MAPRE1: variants seen among roughly 807,000 people sequenced by gnomAD.
The protein encoded by MAPRE1 is microtubule associated protein RP/EB family member 1.
A neutral mutation model predicts 32.1 loss-of-function variants in MAPRE1; 5 were observed. That is an observed-to-expected ratio of 0.16 (90% CI 0.08 to 0.33). MAPRE1 has a LOEUF of 0.33. Among genes scored for constraint, MAPRE1 ranks in the 10% least tolerant of loss-of-function variants. The pLI, the probability that MAPRE1 is intolerant of heterozygous loss-of-function variation, is 1.00. For missense variants in MAPRE1, 209 were observed against 327.2 expected (o/e 0.64, Z 2.79); for synonymous variants, 122 against 118.9 (o/e 1.03, Z -0.17).
chr20:32,848,188 A>G (rs965357910), intron 6 of MAPRE1, among the ~76,000 whole-genome samples: 2 of 151,284 alleles, frequency 1.3e-5, no homozygotes, highest in Non-Finnish European at 2.9e-5. Context: ...CTGGGACTAC[A>G]GGCATGTCCC....
At position 32,829,308 on chromosome 20, in the gene MAPRE1, TAAAC is replaced by T. The variant is rs1276697273; in HGVS notation, c.121+3265_121+3268del. Among the ~76,000 whole-genome samples, 4 of 152,332 alleles carry T rather than the reference TAAAC, an allele frequency of 2.6e-5. No homozygotes were observed. In the East Asian group the frequency reaches 7.7e-4, roughly 29 times the overall value. On this transcript the variant is annotated intron_variant, in intron 2 of 6. Coordinates refer to ENST00000375571, the MANE Select transcript of MAPRE1 (RefSeq NM_012325.3). ...GTGCAGGACACTTAACTGTGATTTG[TAAAC>T]AAACTTGTTCATTCATAACTAGTCT... is the stretch of plus-strand genomic sequence containing the variant.
intron 5 of MAPRE1, among the ~76,000 whole-genome samples, chr20:32,842,149 G>A (rs1983382561): frequency 2.6e-5 from 4 of 151,900 alleles, no homozygotes. Context: ...GCAGTGGCGC[G>A]ATCTTTGCTC....
chr20:32,847,158 A>G (rs1477224305), intron 6 of MAPRE1, among the ~76,000 whole-genome samples: 1 of 152,172 alleles, frequency 6.6e-6, no homozygotes, highest in Non-Finnish European at 1.5e-5. Flanking sequence ...AAGCAGGCAC[A>G]TGCTCCCTTT....
At chr20:32,835,542 C>T (rs540080362) in intron 3 of MAPRE1, among the ~76,000 whole-genome samples, 3 of 152,000 alleles carry the variant, frequency 2.0e-5, no homozygotes, top group African/African-American at 7.2e-5. Context: ...AAAATTTATC[C>T]TGAGACTGAT....
intron 6 of MAPRE1, among the ~76,000 whole-genome samples, chr20:32,848,137 C>T (rs1261406218): frequency 6.6e-6 from 1 of 151,748 alleles, no homozygotes; most frequent in Non-Finnish European, 1.5e-5. Flanking sequence ...GCTTTGACCT[C>T]CTGGGTCAAG....
intron 2 of MAPRE1, among the ~76,000 whole-genome samples, chr20:32,830,776 G>A (rs1352140078): frequency 1.4e-5 from 2 of 143,648 alleles, no homozygotes; most frequent in Non-Finnish European, 3.0e-5. Context: ...TCGCTCTGTT[G>A]CCCAGGCTGG....
chr20:32,847,600 A>G (rs1024739994), intron 6 of MAPRE1, among the ~76,000 whole-genome samples: 11 of 152,220 alleles, frequency 7.2e-5, no homozygotes, highest in Non-Finnish European at 1.3e-4. Flanking sequence ...TTTAATTTAG[A>G]GCTTGCTCTG....
At chr20:32,839,075 C>G (rs1299773345) in intron 4 of MAPRE1, among the ~76,000 whole-genome samples, 2 of 152,132 alleles carry the variant, frequency 1.3e-5, no homozygotes, top group African/African-American at 4.8e-5. Context: ...TGATGCTTTT[C>G]TCTCCTCACT....
At position 32,836,754 on chromosome 20, in the gene MAPRE1, A is replaced by G. The variant is rs1290393107; in HGVS notation, c.388A>G (p.Arg130Gly). ...AAAAGACTATGACCCTGTGGCTGCCAGACAAGGTCAAGAAACTGCAGTGGC... is the reference window on the plus strand; with the variant it reads ...AAAAGACTATGACCCTGTGGCTGCCGGACAAGGTCAAGAAACTGCAGTGGC... The part of the protein sequence containing the change: ...DGKDYDPVAA[R>G]QGQETAVAPS... Residue 130 changes from arginine (R) to glycine (G), a missense_variant, in exon 4 of 7, where the codon AGA becomes GGA. This residue lies in a region of MAPRE1 where 106 missense variants were observed against 115.3 expected (regional missense o/e 0.92). Coordinates refer to ENST00000375571, the MANE Select transcript of MAPRE1 (RefSeq NM_012325.3). 3.7e-6 allele frequency: 6 copies of G among 1,614,054 alleles called. No homozygotes were observed. In the Admixed American group the frequency reaches 6.7e-5, roughly 18 times the overall value.
At chr20:32,820,303 T>TAA (rs1445009018) in intron 1 of MAPRE1, among the ~76,000 whole-genome samples, 1 of 151,712 alleles carries the variant, frequency 6.6e-6, no homozygotes, top group Admixed American at 6.6e-5. Flanking sequence ...TGAGGTGTGG[T>TAA]CCCTGCGCTG....
chr20:32,840,131 AG>A (rs1983320310), intron 5 of MAPRE1, among the ~76,000 whole-genome samples: 1 of 152,222 alleles, frequency 6.6e-6, no homozygotes, highest in Non-Finnish European at 1.5e-5. Flanking sequence ...GAATGCTGCC[AG>A]GGACCTGGGA....
intron 2 of MAPRE1, among the ~76,000 whole-genome samples, chr20:32,829,751 T>C (rs1446426805): frequency 6.6e-6 from 1 of 152,204 alleles, no homozygotes; most frequent in Non-Finnish European, 1.5e-5. Flanking sequence ...AGCAGTGGGC[T>C]CTCCTACCCC....
rs1239149467 is a variant in MAPRE1, at chr20:32,842,148, C to T, written c.597+2292C>T. ...TCGCCCAGGCTGGAGTGCAGTGGCG[C>T]GATCTTTGCTCACTGCAAGCTCCGC... is the stretch of plus-strand genomic sequence containing the variant. On this transcript the variant is annotated intron_variant, in intron 5 of 6. Coordinates refer to ENST00000375571, the MANE Select transcript of MAPRE1 (RefSeq NM_012325.3). Among the ~76,000 whole-genome samples the T allele has an allele frequency of 2.6e-5, 4 of 151,976 alleles. No homozygotes were observed. In the South Asian group the frequency reaches 6.2e-4, roughly 24 times the overall value.
intron 2 of MAPRE1, among the ~76,000 whole-genome samples, chr20:32,828,938 TG>T (rs947041234): frequency 6.6e-6 from 1 of 151,696 alleles, no homozygotes; most frequent in African/African-American, 2.4e-5. Flanking sequence ...GTTTGTCAGT[TG>T]TTTTTTTTTT....
At chr20:32,836,582 A>G in intron 3 of MAPRE1, 52 bp from the exon 4 acceptor site, 1 of 1,069,472 alleles carries the variant, frequency 9.4e-7, no homozygotes, top group Non-Finnish European at 1.4e-6. Flanking sequence ...GACTAGTTTG[A>G]TGCTTGCCAA....
chr20:32,848,546 C>G, intron 6 of MAPRE1, 126 bp from the exon 7 acceptor site: 1 of 536,128 alleles, frequency 1.9e-6, no homozygotes, highest in Non-Finnish European at 3.3e-6. Context: ...AATAAAATAG[C>G]AGTCACCTGG....
intron 1 of MAPRE1, among the ~76,000 whole-genome samples, chr20:32,821,689 T>C (rs1055723938): frequency 6.6e-6 from 1 of 152,234 alleles, no homozygotes; most frequent in South Asian, 2.1e-4. Flanking sequence ...CACGGTCACA[T>C]AGGTCCTTTC....
chr20:32,840,051 C>T (rs1257816103), intron 5 of MAPRE1, among the ~76,000 whole-genome samples, 195 bp downstream of exon 5: 1 of 152,160 alleles, frequency 6.6e-6, no homozygotes, highest in Non-Finnish European at 1.5e-5. Context: ...TGTGCCTGGG[C>T]TCTCTTAGTG....
rs1983576627 is a variant in MAPRE1, at chr20:32,848,882, C to T, written c.*154C>T. ...TAAAGTGCACTTTGCAGACGTTTCA[C>T]TCCTTTTCCAATAAGTTTGAGTTAG... On this transcript the variant is annotated 3_prime_UTR_variant, in exon 7 of 7. Coordinates refer to ENST00000375571, the MANE Select transcript of MAPRE1 (RefSeq NM_012325.3). 1 of 560,270 alleles carries T rather than the reference C, an allele frequency of 1.8e-6. No individual in the cohort carries two copies. The highest frequency in any genetic ancestry group is 3.1e-6 in the Non-Finnish European group (1 of 326,198). The allele number at this position is 560,270 out of a possible 1,614,324, so 34.7% of individuals were successfully genotyped here.
Sources: gnomAD v4.1 joint callset for allele counts (sites outside exome capture counted in the v4.1 genomes callset) on GRCh38, gnomAD v4.1.1 for gene constraint, gnomAD v4.1.1 regional missense constraint, MANE v1.5 for transcripts, NCBI Gene and HGNC (gene_info 2026-07-23, HGNC 2026-07-21) for gene names.